The following TUB variants were observed in gnomAD, a reference collection of about 807,000 sequenced individuals.
TUB encodes tubby protein homolog.
A neutral mutation model predicts 59.7 loss-of-function variants in TUB; 33 were observed. The observed-to-expected ratio is 0.55, with a 90% CI of 0.42 to 0.74. The LOEUF (loss-of-function observed/expected upper bound fraction) is 0.74. TUB is among the 30% of genes least tolerant of loss of function. The pLI is 0.00. For missense variants in TUB, 659 were observed against 672.0 expected (o/e 0.98, Z 0.21); for synonymous variants, 293 against 256.4 (o/e 1.14, Z -1.36).
Position 8,105,051 on chromosome 11 carries a change from A to ATGCTT in TUB, c.*3438_*3442dup, listed in dbSNP as rs1399567110. 1 of 152,022 alleles carries ATGCTT rather than the reference A, an allele frequency of 6.6e-6. No homozygotes were observed. The highest frequency in any genetic ancestry group is 2.4e-5 in the African/African-American group (1 of 41,400). 9.4% of individuals were successfully genotyped at this position (152,022 alleles called of 1,614,324 possible). On this transcript the variant is annotated 3_prime_UTR_variant, in exon 12 of 12. Transcript: ENST00000299506. ...GGGTTGGTTTCAAAGAAAAAGGTCC[A>ATGCTT]TGCTTTGCTTACAATGGAGTCTGCA...
intron 5 of TUB, 53 bp from the exon 6 acceptor site, chr11:8,096,632 G>A (rs1944005219): frequency 8.3e-7 from 1 of 1,209,340 alleles, no homozygotes; most frequent in Non-Finnish European, 1.2e-6. Context: ...TGTATTTCAG[G>A]GGCAGCGTAG....
At chr11:8,019,500 G>C in intron 1 of TUB, 1 of 780,814 alleles carries the variant, frequency 1.3e-6, no homozygotes, top group Non-Finnish European at 1.7e-6. Context: ...TCGGGCATCC[G>C]GGACCCAGAG....
At chr11:8,079,876 T>C (rs1243460701), upstream of TUB, among the ~76,000 whole-genome samples, 1 of 152,220 alleles carries the variant, frequency 6.6e-6, no homozygotes. Context: ...TCCTCTGCTG[T>C]GAAATGGGTA....
intron 2 of TUB, among the ~76,000 whole-genome samples, chr11:8,072,784 A>C (rs1943382135): frequency 6.6e-6 from 1 of 152,242 alleles, no homozygotes; most frequent in Non-Finnish European, 1.5e-5. Context: ...AGAGAGGATA[A>C]GAATTCAGCT....
chr11:8,095,782 G>A (rs1943966364), intron 5 of TUB, 117 bp downstream of exon 5: 17 of 1,159,416 alleles, frequency 1.5e-5, no homozygotes, highest in Non-Finnish European at 2.1e-5. Flanking sequence ...AATGGTGGGT[G>A]AGGGTGGGGC....
chr11:8,100,502 G>A lies in TUB; in HGVS notation c.1117-1G>A, dbSNP rs1944229229. ...GGCCAGTGTTGCGTTCTCTTTCCCAGGAGACAAACGTCTTAGGCTTCAAGG... is the reference window on the plus strand; with the variant it reads ...GGCCAGTGTTGCGTTCTCTTTCCCAAGAGACAAACGTCTTAGGCTTCAAGG... On this transcript the variant is annotated splice_acceptor_variant, in intron 9 of 11. Coordinates refer to ENST00000299506, the MANE Select transcript of TUB (RefSeq NM_177972.3). LOFTEE classifies it high-confidence loss of function. The A allele has an allele frequency of 1.9e-6, 3 of 1,613,886 alleles. No homozygotes were observed. Among genetic ancestry groups the A allele is most frequent in the Non-Finnish European group, 2.5e-6 (3 of 1,179,856 alleles).
chr11:8,057,349 T>C (rs145262606), intron 2 of TUB, among the ~76,000 whole-genome samples: 1 of 152,266 alleles, frequency 6.6e-6, no homozygotes, highest in Admixed American at 6.5e-5. Context: ...AGTAACGAGA[T>C]GCAGATGAAC....
intron 1 of TUB, among the ~76,000 whole-genome samples, chr11:8,082,620 T>A (rs891907029): frequency 4.1e-4 from 62 of 152,168 alleles, no homozygotes; most frequent in African/African-American, 1.4e-3. Context: ...GATCCTCAGG[T>A]CCCGCCTTGT....
chr11:8,074,887 C>G (rs1025695476), intron 2 of TUB, among the ~76,000 whole-genome samples: 6 of 151,158 alleles, frequency 4.0e-5, no homozygotes, highest in Non-Finnish European at 8.8e-5. Context: ...GCTGGGATTA[C>G]AGGTGCCCAC....
At chr11:8,076,949 G>A (rs1229371807), upstream of TUB, 1 of 152,138 alleles carries the variant, frequency 6.6e-6, no homozygotes, top group African/African-American at 2.4e-5. Flanking sequence ...ATCAACAGTG[G>A]TGCAATGGTC....
At chr11:8,051,624 C>T (rs1247603717) in intron 2 of TUB, among the ~76,000 whole-genome samples, 5 of 152,166 alleles carry the variant, frequency 3.3e-5, no homozygotes, top group Non-Finnish European at 7.3e-5. Flanking sequence ...TGAAGGGCCA[C>T]CCTCACTGCA....
intron 2 of TUB, among the ~76,000 whole-genome samples, chr11:8,064,973 G>A (rs1943209280): frequency 6.6e-6 from 1 of 152,232 alleles, no homozygotes; most frequent in Admixed American, 6.5e-5. Flanking sequence ...GCAACCAAAG[G>A]AGGTCTTGGA....
At chr11:8,054,468 C>CAG (rs1333264452) in intron 2 of TUB, among the ~76,000 whole-genome samples, 6 of 151,106 alleles carry the variant, frequency 4.0e-5, no homozygotes, top group Non-Finnish European at 7.4e-5. Flanking sequence ...GAGAGAGAGA[C>CAG]AGAGAGAGAG....
intron 2 of TUB, among the ~76,000 whole-genome samples, chr11:8,073,219 C>T (rs1943389940): frequency 1.3e-5 from 2 of 152,160 alleles, no homozygotes; most frequent in African/African-American, 2.4e-5. Context: ...ACTCTGCCTC[C>T]TCAGTGGTGG....
At chr11:8,032,722 G>A (rs1434000056) in intron 1 of TUB, among the ~76,000 whole-genome samples, 1 of 152,086 alleles carries the variant, frequency 6.6e-6, no homozygotes, top group Non-Finnish European at 1.5e-5. Context: ...TCCACACCTG[G>A]GAACATTTCT....
intron 2 of TUB, among the ~76,000 whole-genome samples, chr11:8,047,208 AC>A (rs1442724283): frequency 1.3e-5 from 2 of 151,524 alleles, no homozygotes; most frequent in African/African-American, 4.9e-5. Context: ...TTCACCTGTG[AC>A]TCCTTCCATA....
chr11:8,089,616 A>C lies in TUB; in HGVS notation c.45A>C (p.Leu15Phe), dbSNP rs768647350. ...PHSDWIPYSV[L>F]DDEGRNLRQQ... ...CCCCTCTTTCGCTCTGCAGTGTCTTAGATGATGAGGGCAGAAACCTGAGGC... is the reference window on the plus strand; with the variant it reads ...CCCCTCTTTCGCTCTGCAGTGTCTTCGATGATGAGGGCAGAAACCTGAGGC... The change falls in exon 2 of 12, where the codon TTA (leucine) becomes TTC (phenylalanine). Residue 15 changes from leucine (L) to phenylalanine (F), a missense_variant. This residue lies in a region of TUB where 321 missense variants were observed against 304.3 expected (regional missense o/e 1.05). Transcript: ENST00000299506. The C allele has an allele frequency of 8.7e-6, 14 of 1,614,072 alleles. No homozygotes were observed. The highest frequency in any genetic ancestry group is 6.7e-5 in the East Asian group (3 of 44,890).
At chr11:8,070,342 G>A (rs1943338085) in intron 2 of TUB, among the ~76,000 whole-genome samples, 2 of 151,980 alleles carry the variant, frequency 1.3e-5, no homozygotes, top group South Asian at 4.1e-4. Context: ...TCACAAATCA[G>A]TCTCATTGGT....
chr11:8,058,055 T>C (rs2133767327), intron 2 of TUB, among the ~76,000 whole-genome samples: 1 of 151,362 alleles, frequency 6.6e-6, no homozygotes, highest in East Asian at 1.9e-4. Flanking sequence ...TACAAAAAAA[T>C]ACAAAAATTA....
Sources: allele counts gnomAD v4.1 joint callset (sites outside exome capture counted in the v4.1 genomes callset), GRCh38; gene constraint gnomAD v4.1.1; regional missense constraint gnomAD v4.1.1; transcripts MANE v1.5; gene names NCBI Gene and HGNC (gene_info 2026-07-23, HGNC 2026-07-21).